Variants in NRG3 observed in about 807,000 individuals in gnomAD.
NRG3 encodes pro-neuregulin-3, membrane-bound isoform.
Under a neutral mutation model 66.9 loss-of-function variants are expected in NRG3, and 31 were observed. The ratio of observed to expected loss-of-function variants is 0.46; its 90% confidence interval spans 0.35 to 0.63. The LOEUF (loss-of-function observed/expected upper bound fraction) is 0.63. Among genes scored for constraint, NRG3 ranks in the 20% least tolerant of loss-of-function variants. NRG3 has a pLI of 0.00. For missense variants in NRG3, 910 were observed against 878.9 expected (o/e 1.04, Z -0.45); for synonymous variants, 393 against 359.4 (o/e 1.09, Z -1.06).
intron 1 of NRG3, among the ~76,000 whole-genome samples, chr10:82,016,681 G>A (rs1184012186): frequency 8.5e-5 from 13 of 152,052 alleles, no homozygotes; most frequent in Admixed American, 7.9e-4. Context: ...TATGTTTTAA[G>A]TGAAAAGTAA....
At chr10:81,882,539 G>A (rs1166277189) in intron 1 of NRG3, among the ~76,000 whole-genome samples, 2 of 152,092 alleles carry the variant, frequency 1.3e-5, no homozygotes, top group Non-Finnish European at 2.9e-5. Context: ...TCTCTCTGAA[G>A]TTTAACTTCC....
intron 1 of NRG3, among the ~76,000 whole-genome samples, chr10:81,913,854 A>G (rs1231976495): frequency 6.6e-6 from 1 of 152,244 alleles, no homozygotes; most frequent in Non-Finnish European, 1.5e-5. Flanking sequence ...GACTTTATGT[A>G]TATAGAAAAA....
chr10:81,881,611 T>C (rs1027302360), intron 1 of NRG3, among the ~76,000 whole-genome samples: 1 of 152,188 alleles, frequency 6.6e-6, no homozygotes, highest in Non-Finnish European at 1.5e-5. Flanking sequence ...TTACTAAGTA[T>C]CTATCTGGGG....
intron 1 of NRG3, among the ~76,000 whole-genome samples, chr10:81,998,944 G>C (rs1371678179): frequency 6.6e-6 from 1 of 152,090 alleles, no homozygotes; most frequent in African/African-American, 2.4e-5. Flanking sequence ...AGCCTCTCAA[G>C]TAGCTGGGAT....
intron 1 of NRG3, among the ~76,000 whole-genome samples, chr10:81,903,304 C>A (rs1003606731): frequency 5.9e-5 from 9 of 152,112 alleles, no homozygotes; most frequent in Admixed American, 2.0e-4. Flanking sequence ...ATCTCAAAAT[C>A]ATTTCCAGAT....
chr10:82,131,365 T>C (rs1207211217), intron 1 of NRG3, among the ~76,000 whole-genome samples: 1 of 152,182 alleles, frequency 6.6e-6, no homozygotes, highest in Non-Finnish European at 1.5e-5. Flanking sequence ...TATGGATTTA[T>C]TTCTGGGTTC....
intron 1 of NRG3, among the ~76,000 whole-genome samples, chr10:82,147,564 C>T (rs904982756): frequency 6.6e-6 from 1 of 152,228 alleles, no homozygotes; most frequent in Non-Finnish European, 1.5e-5. Context: ...GCAATCTCTA[C>T]TTCCTTCTTA....
chr10:82,398,408 G>A (rs561794057), intron 2 of NRG3, among the ~76,000 whole-genome samples: 12 of 152,066 alleles, frequency 7.9e-5, no homozygotes. Flanking sequence ...AAGGAGTTTT[G>A]AAGAGGGCTA....
At chr10:82,570,943 C>G (rs765288602) in intron 2 of NRG3, among the ~76,000 whole-genome samples, 2 of 151,612 alleles carry the variant, frequency 1.3e-5, no homozygotes, top group Admixed American at 1.3e-4. Flanking sequence ...TCAGAGTACT[C>G]AACACATTTT....
chr10:82,871,284 CTT>C lies in NRG3; in HGVS notation c.1054+5858_1054+5859del, dbSNP rs34420488. On this transcript the variant is annotated intron_variant, in intron 4 of 8. Coordinates refer to ENST00000372141, the MANE Select transcript of NRG3 (RefSeq NM_001010848.4). ...TGTTCTGTTCCATTAAACTATTTGT[CTT>C]TTTTTTTTTTGCCAATACTATACTA... is the stretch of plus-strand genomic sequence containing the variant. Among the ~76,000 whole-genome samples the C allele has an allele frequency of 5.6e-3, 826 of 146,238 alleles. 7 individuals carry two copies. Among genetic ancestry groups the C allele is most frequent in the African/African-American group, 0.015 (597 of 39,930 alleles).
intron 3 of NRG3, among the ~76,000 whole-genome samples, chr10:82,834,897 T>C (rs1489928486): frequency 1.3e-5 from 2 of 152,194 alleles, no homozygotes; most frequent in Admixed American, 1.3e-4. Flanking sequence ...GGTAAGATTC[T>C]CCTCTGGTTG....
At chr10:82,971,719 G>C (rs989367341) in intron 6 of NRG3, among the ~76,000 whole-genome samples, 1 of 152,114 alleles carries the variant, frequency 6.6e-6, no homozygotes, top group African/African-American at 2.4e-5. Flanking sequence ...TTACAGTCGT[G>C]AGCCACCGTG....
chr10:82,848,418 T>G (rs770667022), intron 3 of NRG3, among the ~76,000 whole-genome samples: 5 of 152,140 alleles, frequency 3.3e-5, no homozygotes, highest in Non-Finnish European at 5.9e-5. Flanking sequence ...TTTCTCCAAT[T>G]TGGAATGGGT....
chr10:82,689,498 C>T (rs1176719255), intron 2 of NRG3, among the ~76,000 whole-genome samples: 13 of 152,076 alleles, frequency 8.5e-5, no homozygotes, highest in Non-Finnish European at 1.5e-4. Context: ...CTGCTAGATG[C>T]CCAGGAATGA....
At chr10:82,336,529 C>CTTTTTTTTTTTTTTTT (rs11345974) in intron 1 of NRG3, among the ~76,000 whole-genome samples, 1 of 137,826 alleles carries the variant, frequency 7.3e-6, no homozygotes, top group African/African-American at 2.7e-5. Context: ...CTTTTCTTTT[C>CTTTTTTTTTTTTTTTT]TTTTTTTTTT....
At chr10:82,647,076 C>T (rs2050998108) in intron 2 of NRG3, among the ~76,000 whole-genome samples, 1 of 150,856 alleles carries the variant, frequency 6.6e-6, no homozygotes, top group Non-Finnish European at 1.5e-5. Context: ...CATATGTATA[C>T]ATGTGCCATG....
chr10:82,184,459 C>T (rs1407394467), intron 1 of NRG3, among the ~76,000 whole-genome samples: 9 of 151,968 alleles, frequency 5.9e-5, no homozygotes, highest in African/African-American at 2.2e-4. Flanking sequence ...CAATATCTGC[C>T]CTGATAGAGA....
At chr10:82,595,344 C>G (rs1250482882) in intron 2 of NRG3, among the ~76,000 whole-genome samples, 2 of 152,142 alleles carry the variant, frequency 1.3e-5, no homozygotes, top group Non-Finnish European at 2.9e-5. Flanking sequence ...TTATTAACCT[C>G]TGTTACCCAA....
chr10:82,361,263 T>G (rs1338348003), intron 2 of NRG3, among the ~76,000 whole-genome samples: 1 of 152,220 alleles, frequency 6.6e-6, no homozygotes, highest in Non-Finnish European at 1.5e-5. Flanking sequence ...TTCTTGCATA[T>G]TTCAGTACAG....
Sources: gnomAD v4.1 joint callset for allele counts (sites outside exome capture counted in the v4.1 genomes callset) on GRCh38, gnomAD v4.1.1 for gene constraint, MANE v1.5 for transcripts, NCBI Gene and HGNC (gene_info 2026-07-23, HGNC 2026-07-21) for gene names.